Variants in OR2L13 observed in about 807,000 individuals in gnomAD.
The protein encoded by OR2L13 is olfactory receptor 2L13.
A neutral mutation model predicts 15.3 loss-of-function variants in OR2L13; 14 were observed. The observed-to-expected ratio is 0.91, with a 90% CI of 0.60 to 1.43. OR2L13 has a LOEUF of 1.43. Ranked by LOEUF, OR2L13 falls within the 40% of genes most tolerant of loss-of-function variation. OR2L13 has a pLI of 0.00. For synonymous variants in OR2L13, 152 were observed against 142.9 expected, an observed-to-expected ratio of 1.06 and a Z score of -0.45; for missense variants, 367 against 387.9, an observed-to-expected ratio of 0.95 and a Z score of 0.45.
the OR2L13 span, chr1:248,062,840 T>C: frequency 6.6e-6 from 1 of 152,188 alleles, no homozygotes; most frequent in African/African-American, 2.4e-5. Flanking sequence ...AAGCATCACA[T>C]ACACTCCGCA....
the OR2L13 span, among the ~76,000 whole-genome samples, chr1:248,032,279 A>G: frequency 3.9e-5 from 6 of 152,266 alleles, no homozygotes; most frequent in East Asian, 9.6e-4. Context: ...TAATTTCAGT[A>G]TATTTAAATG....
chr1:247,975,569 T>G, the OR2L13 span: 1 of 1,303,168 alleles, frequency 7.7e-7, no homozygotes, highest in African/African-American at 1.5e-5. Context: ...CTCACCTCAA[T>G]GCTCAACCCC....
the OR2L13 span, among the ~76,000 whole-genome samples, chr1:247,939,920 G>T: frequency 1.3e-5 from 2 of 151,990 alleles, no homozygotes. Context: ...GAATATATAA[G>T]AATTACATTT....
the OR2L13 span, among the ~76,000 whole-genome samples, chr1:248,008,652 T>C: frequency 2.0e-5 from 3 of 152,094 alleles, no homozygotes; most frequent in Non-Finnish European, 4.4e-5. Flanking sequence ...AACAAGAATA[T>C]TCAGGACTTT....
the OR2L13 span, among the ~76,000 whole-genome samples, chr1:248,082,449 GTAAC>G: frequency 1.3e-5 from 2 of 149,980 alleles, no homozygotes; most frequent in African/African-American, 2.5e-5. Flanking sequence ...GTATACATAT[GTAAC>G]TAACCTGCAC....
the OR2L13 span, among the ~76,000 whole-genome samples, chr1:248,030,649 C>T: frequency 8.5e-5 from 13 of 152,078 alleles, no homozygotes; most frequent in East Asian, 2.1e-3. Flanking sequence ...TGCGATTGTA[C>T]GATGCTCATT....
the OR2L13 span, among the ~76,000 whole-genome samples, chr1:248,020,038 C>T: frequency 5.1e-3 from 776 of 152,284 alleles, 6 homozygotes; most frequent in African/African-American, 0.017. Context: ...CTGCCTCAGG[C>T]TCCCAGAGTG....
At chr1:248,070,769 C>A in the OR2L13 span, among the ~76,000 whole-genome samples, 6 of 151,942 alleles carry the variant, frequency 3.9e-5, no homozygotes, top group Non-Finnish European at 8.8e-5. Context: ...ATCAAATAGA[C>A]GCAATAAAAA....
the OR2L13 span, chr1:248,039,313 A>G: frequency 9.7e-7 from 1 of 1,028,052 alleles, no homozygotes; most frequent in Non-Finnish European, 1.4e-6. Flanking sequence ...ACAGAAGTTA[A>G]TCTAGAAGAA....
the OR2L13 span, among the ~76,000 whole-genome samples, chr1:248,027,010 C>T: frequency 1.5e-4 from 23 of 152,312 alleles, no homozygotes; most frequent in African/African-American, 5.3e-4. Flanking sequence ...CTCTGGCTGC[C>T]TGTGAGCTGG....
the OR2L13 span, among the ~76,000 whole-genome samples, chr1:248,020,883 G>T: frequency 6.6e-6 from 1 of 150,474 alleles, no homozygotes; most frequent in Non-Finnish European, 1.5e-5. Flanking sequence ...AGTCACATAT[G>T]TATATATGGG....
chr1:247,960,134 CTGTT>C, the OR2L13 span, among the ~76,000 whole-genome samples: 1 of 152,130 alleles, frequency 6.6e-6, no homozygotes, highest in Admixed American at 6.5e-5. Flanking sequence ...GATGTCCTTT[CTGTT>C]TGTTAGTTTT....
the OR2L13 span, among the ~76,000 whole-genome samples, chr1:247,981,162 T>C: frequency 6.6e-6 from 1 of 152,166 alleles, no homozygotes; most frequent in Non-Finnish European, 1.5e-5. Context: ...GGAAGCTAAA[T>C]GATGTTCATG....
At chr1:247,954,620 C>CTT in the OR2L13 span, among the ~76,000 whole-genome samples, 33 of 149,944 alleles carry the variant, frequency 2.2e-4, no homozygotes, top group South Asian at 1.1e-3. Context: ...AATGTCTTTT[C>CTT]TTTTTTTTTG....
At chr1:248,100,017 T>C in exon 3 of OR2L13, 2 of 1,614,188 alleles carry the variant, frequency 1.2e-6, no homozygotes, top group South Asian at 2.2e-5. Flanking sequence ...TTGGCATCAC[T>C]TCTTCCTGTG....
the OR2L13 span, chr1:248,039,681 C>T: frequency 6.5e-6 from 1 of 152,838 alleles, no homozygotes. Flanking sequence ...AATAAAGGTC[C>T]AAACTAATCA....
At chr1:248,039,793 T>A in the OR2L13 span, 1 of 152,232 alleles carries the variant, frequency 6.6e-6, no homozygotes, top group African/African-American at 2.4e-5. Context: ...TCTAATTGAA[T>A]ATTAAATAGT....
At chr1:248,080,140 T>G in the OR2L13 span, among the ~76,000 whole-genome samples, 5 of 152,152 alleles carry the variant, frequency 3.3e-5, no homozygotes, top group South Asian at 1.0e-3. Context: ...CATATTTTTT[T>G]TTACATCTGT....
At chr1:248,003,452 G>T in the OR2L13 span, 4 of 1,608,460 alleles carry the variant, frequency 2.5e-6, no homozygotes, top group Non-Finnish European at 2.6e-6. Flanking sequence ...GACTTTAGCC[G>T]TTGTAGAAGC....
Sources: allele counts gnomAD v4.1 joint callset (sites outside exome capture counted in the v4.1 genomes callset), GRCh38; gene constraint gnomAD v4.1.1; transcripts MANE v1.5; gene names NCBI Gene and HGNC (gene_info 2026-07-23, HGNC 2026-07-21).